BZW2: variants seen among roughly 807,000 people sequenced by gnomAD.
BZW2 encodes the protein eIF5-mimic protein 1.
BZW2 carries 23 observed loss-of-function variants against 53.2 expected under a neutral mutation model. That is an observed-to-expected ratio of 0.43 (90% confidence interval 0.31 to 0.61). The LOEUF (loss-of-function observed/expected upper bound fraction) is 0.61. Ranked by LOEUF, BZW2 falls within the 20% of genes least tolerant of loss-of-function variation. The probability of loss-of-function intolerance (pLI) is 0.09; values close to 1 mark genes in which losing one functional copy is unlikely to be tolerated. For missense variants in BZW2, 409 were observed against 503.1 expected, an observed-to-expected ratio of 0.81 and a Z score of 1.79; for synonymous variants, 227 against 186.4, an observed-to-expected ratio of 1.22 and a Z score of -1.77.
At chr7:16,693,947 T>C (rs1314228996) in intron 7 of BZW2, among the ~76,000 whole-genome samples, 1 of 152,204 alleles carries the variant, frequency 6.6e-6, no homozygotes, top group African/African-American at 2.4e-5. Context: ...ACTGAGGCTC[T>C]TTCTGGAACC....
At chr7:16,662,764 G>C (rs1263527091) in intron 1 of BZW2, among the ~76,000 whole-genome samples, 6 of 151,844 alleles carry the variant, frequency 4.0e-5, no homozygotes, top group Non-Finnish European at 7.4e-5. Flanking sequence ...AGGAGGTAGA[G>C]AGAGAGAAAA....
chr7:16,664,180 T>C (rs1647724002), intron 1 of BZW2, among the ~76,000 whole-genome samples: 1 of 152,196 alleles, frequency 6.6e-6, no homozygotes, highest in African/African-American at 2.4e-5. Flanking sequence ...TATACTTTGC[T>C]CAATATAAAA....
chr7:16,697,714 C>G (rs1783544050), intron 9 of BZW2, among the ~76,000 whole-genome samples: 2 of 152,262 alleles, frequency 1.3e-5, no homozygotes, highest in South Asian at 4.1e-4. Context: ...GAGAATCTGC[C>G]TATATTAAAG....
chr7:16,672,133 A>C (rs1286858887), intron 2 of BZW2, among the ~76,000 whole-genome samples: 1 of 152,168 alleles, frequency 6.6e-6, no homozygotes, highest in African/African-American at 2.4e-5. Context: ...GAAATCTCAC[A>C]GTAATCAATG....
At chr7:16,690,034 C>T (rs1444164602) in intron 7 of BZW2, 128 bp downstream of exon 7, 1 of 524,504 alleles carries the variant, frequency 1.9e-6, no homozygotes, top group Non-Finnish European at 3.2e-6. Flanking sequence ...CCTTTTATTT[C>T]TGTGTAATTG....
rs1168292881 is a variant in BZW2, at chr7:16,706,308, AC to A, written c.*221del. The stretch of plus-strand genomic sequence containing the variant: ...ATACTTGGGACTCTACCTCTCACTC[AC>A]TATATGCTAACTTAAAGCCATTCAA... On this transcript the variant is annotated 3_prime_UTR_variant, in exon 12 of 12. Transcript: ENST00000258761. The A allele has an allele frequency of 5.8e-5, 30 of 513,596 alleles. No homozygotes were observed. Among genetic ancestry groups the A allele is most frequent in the African/African-American group, 5.7e-4 (29 of 51,040 alleles). The allele number at this position is 513,596 out of a possible 1,614,324, so 31.8% of individuals were successfully genotyped here.
At chr7:16,704,269 C>T (rs113298772) in intron 10 of BZW2, among the ~76,000 whole-genome samples, 4 of 152,298 alleles carry the variant, frequency 2.6e-5, no homozygotes, top group African/African-American at 9.6e-5. Context: ...AGCAAATTAG[C>T]ACTGTGAGAG....
At chr7:16,672,389 G>C (rs818495) in intron 2 of BZW2, among the ~76,000 whole-genome samples, 68,031 of 151,790 alleles carry the variant, frequency 0.45, 17,070 homozygotes, top group African/African-American at 0.7. Context: ...ATAATCTTAG[G>C]TTTCTCTTAA....
intron 8 of BZW2, 75 bp from the exon 9 acceptor site, chr7:16,696,840 G>A: frequency 6.7e-7 from 1 of 1,495,404 alleles, no homozygotes; most frequent in Non-Finnish European, 9.2e-7. Context: ...AACCTTGATT[G>A]ACTGGGCAGC....
In BZW2 at chr7:16,706,051, C is replaced by G; in HGVS notation, c.1232-9C>G. ...GGAGGAAATATCTCACTTCTTTCTT[C>G]TCTCCTAGAATCCGAATCGGAAGGT... On this transcript the variant is annotated splice_polypyrimidine_tract_variant and intron_variant, in intron 11 of 11. Coordinates refer to ENST00000258761, the MANE Select transcript of BZW2 (RefSeq NM_014038.3). 1.2e-6 allele frequency: 2 copies of G among 1,613,624 alleles called. No individual in the cohort carries two copies. The highest frequency in any genetic ancestry group is 1.1e-5 in the South Asian group (1 of 91,026).
At chr7:16,659,250 A>AT (rs995666479) in intron 1 of BZW2, among the ~76,000 whole-genome samples, 1 of 151,960 alleles carries the variant, frequency 6.6e-6, no homozygotes, top group Non-Finnish European at 1.5e-5. Context: ...TTGAATTTTA[A>AT]TTTTTTTTCA....
chr7:16,671,963 G>C (rs1346252570), intron 2 of BZW2, among the ~76,000 whole-genome samples: 2 of 142,960 alleles, frequency 1.4e-5, no homozygotes, highest in Non-Finnish European at 3.0e-5. Flanking sequence ...ACACTAACAA[G>C]AATTCTAGGC....
intron 6 of BZW2, among the ~76,000 whole-genome samples, 173 bp from the exon 7 acceptor site, chr7:16,689,624 C>G (rs988109445): frequency 6.6e-6 from 1 of 152,122 alleles, no homozygotes; most frequent in Non-Finnish European, 1.5e-5. Context: ...TGAAAATGTT[C>G]TAGTTTGAGT....
At chr7:16,695,617 CTTT>C (rs568965683) in intron 8 of BZW2, among the ~76,000 whole-genome samples, 1 of 152,022 alleles carries the variant, frequency 6.6e-6, no homozygotes, top group African/African-American at 2.4e-5. Context: ...ATGACTATAT[CTTT>C]TTTTTATTTT....
At chr7:16,705,874 A>G (rs754417941) in intron 11 of BZW2, among the ~76,000 whole-genome samples, 186 bp from the exon 12 acceptor site, 1 of 151,934 alleles carries the variant, frequency 6.6e-6, no homozygotes, top group Non-Finnish European at 1.5e-5. Context: ...GGCAAAATTT[A>G]CGTGAAAGCA....
chr7:16,692,518 C>T (rs1358503948), intron 7 of BZW2, among the ~76,000 whole-genome samples: 6 of 152,108 alleles, frequency 3.9e-5, no homozygotes, highest in Non-Finnish European at 8.8e-5. Flanking sequence ...ATCCCAGCAC[C>T]TCAGGAGGCT....
intron 6 of BZW2, chr7:16,687,495 T>C (rs1436625945): frequency 1.3e-5 from 2 of 152,008 alleles, no homozygotes; most frequent in African/African-American, 4.8e-5. Flanking sequence ...GGTAAAAAAA[T>C]TGCTTGAGGC....
At chr7:16,680,147 A>G (rs1025173670) in intron 3 of BZW2, among the ~76,000 whole-genome samples, 1 of 152,118 alleles carries the variant, frequency 6.6e-6, no homozygotes, top group African/African-American at 2.4e-5. Flanking sequence ...AGCAATTGTA[A>G]TAGCTACCCA....
In BZW2 at chr7:16,674,541, G is replaced by A. The variant is rs1782708954; in HGVS notation, c.188G>A (p.Arg63His). 1.2e-6 allele frequency: 2 copies of A among 1,611,328 alleles called. No homozygotes were observed. Among genetic ancestry groups the A allele is most frequent in the Non-Finnish European group, 1.7e-6 (2 of 1,178,432 alleles). Residue 63 changes from arginine (R) to histidine (H), a missense_variant, in exon 3 of 12, where the codon CGC becomes CAC. This residue lies in a region of BZW2 where 316 missense variants were observed against 366.8 expected (regional missense o/e 0.86). Transcript: ENST00000258761. ...DSTGSRLDYRRYADTLFDILV... is the reference protein window; with the variant it reads ...DSTGSRLDYRHYADTLFDILV... ...ACAGGCTCAAGATTAGATTATCGTC[G>A]CTATGCAGACACACTCTTCGATATC...
Sources: gnomAD v4.1 joint callset for allele counts (sites outside exome capture counted in the v4.1 genomes callset) on GRCh38, gnomAD v4.1.1 for gene constraint, gnomAD v4.1.1 regional missense constraint, MANE v1.5 for transcripts, NCBI Gene and HGNC (gene_info 2026-07-23, HGNC 2026-07-21) for gene names.